The following FAM167A variants were observed in gnomAD, a reference collection of about 807,000 sequenced individuals.
FAM167A encodes protein FAM167A.
Under a neutral mutation model 14.9 loss-of-function variants are expected in FAM167A, and 23 were observed. The ratio of observed to expected loss-of-function variants is 1.55; its 90% CI spans 1.11 to 2.19. FAM167A has a LOEUF of 2.19. Among genes scored for constraint, FAM167A ranks in the 30% most tolerant of loss-of-function variants. FAM167A has a pLI of 0.00. For synonymous variants in FAM167A, 174 were observed against 117.7 expected, an observed-to-expected ratio of 1.48 and a Z score of -3.10; for missense variants, 401 against 281.5, an observed-to-expected ratio of 1.42 and a Z score of -3.04.
At chr8:11,465,583 G>T (rs1345390195) in intron 1 of FAM167A, among the ~76,000 whole-genome samples, 2 of 152,176 alleles carry the variant, frequency 1.3e-5, no homozygotes, top group East Asian at 1.9e-4. Flanking sequence ...TTAAAAACAC[G>T]CTGCAGAAGT....
chr8:11,473,815 G>T (rs542405606), intron 1 of FAM167A, among the ~76,000 whole-genome samples: 1 of 152,262 alleles, frequency 6.6e-6, no homozygotes, highest in East Asian at 1.9e-4. Flanking sequence ...CTTAGACAGG[G>T]AGTAGCACAC....
intron 1 of FAM167A, among the ~76,000 whole-genome samples, chr8:11,453,545 G>C (rs1012516618): frequency 3.9e-5 from 6 of 152,224 alleles, no homozygotes; most frequent in Non-Finnish European, 5.9e-5. Flanking sequence ...GTACCTGGCA[G>C]GGCAAGGACT....
intron 1 of FAM167A, among the ~76,000 whole-genome samples, chr8:11,453,090 C>T (rs891887130): frequency 2.0e-5 from 3 of 152,240 alleles, no homozygotes; most frequent in Non-Finnish European, 4.4e-5. Context: ...ACAAAGCTCC[C>T]TCCTCCAGGC....
chr8:11,425,346 C>T (rs1233297286), intron 2 of FAM167A, among the ~76,000 whole-genome samples: 2 of 152,152 alleles, frequency 1.3e-5, no homozygotes, highest in African/African-American at 4.8e-5. Context: ...TGTGTCGGCT[C>T]ACAAAGCTCA....
intron 1 of FAM167A, among the ~76,000 whole-genome samples, chr8:11,461,155 G>A (rs1219238405): frequency 6.6e-6 from 1 of 152,250 alleles, no homozygotes; most frequent in Admixed American, 6.5e-5. Flanking sequence ...AAAGCCCAGG[G>A]CCACTGCAGG....
At chr8:11,424,815 G>C (rs1423585266) in intron 2 of FAM167A, among the ~76,000 whole-genome samples, 179 bp from the exon 3 acceptor site, 1 of 152,196 alleles carries the variant, frequency 6.6e-6, no homozygotes, top group Non-Finnish European at 1.5e-5. Context: ...GACAAATGAG[G>C]GTGCGGTCGC....
At position 11,422,321 on chromosome 8, in the gene FAM167A, A is replaced by T. The variant is rs943706396; in HGVS notation, c.*2052T>A. 1 of 152,040 alleles carries T rather than the reference A, an allele frequency of 6.6e-6. No individual in the cohort carries two copies. Among genetic ancestry groups the T allele is most frequent in the South Asian group, 2.1e-4 (1 of 4,802 alleles). 9.4% of individuals were successfully genotyped at this position (152,040 alleles called of 1,614,324 possible). On this transcript the variant is annotated 3_prime_UTR_variant, in exon 3 of 3. Transcript: ENST00000284486. Reference sequence around the variant, plus strand: ...CAGAATATGGGATGGGCTTTCCTGCATGGGTTCAAGGATGTTTATGGCATG... The same window carrying T: ...CAGAATATGGGATGGGCTTTCCTGCTTGGGTTCAAGGATGTTTATGGCATG...
At chr8:11,443,761 C>T (rs963491165) in intron 2 of FAM167A, 25 of 440,290 alleles carry the variant, frequency 5.7e-5, no homozygotes, top group African/African-American at 3.0e-4. Flanking sequence ...GGGGGTACAC[C>T]TTAACATGGG....
rs959597711 is a variant in FAM167A, at chr8:11,421,865, G to C, written c.*2508C>G. The C allele has an allele frequency of 5.1e-6, 2 of 394,588 alleles. No homozygotes were observed. The highest frequency in any genetic ancestry group is 9.0e-6 in the Non-Finnish European group (2 of 223,036). The allele number at this position is 394,588 out of a possible 1,614,324, so 24.4% of individuals were successfully genotyped here. On this transcript the variant is annotated 3_prime_UTR_variant, in exon 3 of 3. Transcript: ENST00000284486. ...GGACGGAGGTTAGGCCAATGTTGCTGCTGACTCATAGACCCACAGAGAGCA... is the reference window on the plus strand; with the variant it reads ...GGACGGAGGTTAGGCCAATGTTGCTCCTGACTCATAGACCCACAGAGAGCA...
intron 2 of FAM167A, among the ~76,000 whole-genome samples, chr8:11,427,407 A>T (rs557053901): frequency 1.3e-5 from 2 of 152,086 alleles, no homozygotes; most frequent in African/African-American, 4.8e-5. Flanking sequence ...TTGACTCGAG[A>T]TCTGAATCCT....
intron 1 of FAM167A, among the ~76,000 whole-genome samples, chr8:11,458,500 A>C (rs1278155422): frequency 6.6e-6 from 1 of 152,194 alleles, no homozygotes; most frequent in African/African-American, 2.4e-5. Context: ...CATGAGTCAC[A>C]GCACCTGCCC....
upstream of FAM167A, among the ~76,000 whole-genome samples, chr8:11,472,181 G>C (rs781680516): frequency 6.6e-6 from 1 of 152,184 alleles, no homozygotes; most frequent in Non-Finnish European, 1.5e-5. Context: ...CTTTCTTGCT[G>C]GTTTGTTTAA....
At chr8:11,461,306 A>G (rs1400628995) in intron 1 of FAM167A, among the ~76,000 whole-genome samples, 1 of 152,240 alleles carries the variant, frequency 6.6e-6, no homozygotes, top group Non-Finnish European at 1.5e-5. Flanking sequence ...GAAAGTAGCC[A>G]TGGGAAAAAA....
intron 2 of FAM167A, among the ~76,000 whole-genome samples, chr8:11,432,745 G>C (rs1249910265): frequency 6.6e-6 from 1 of 152,166 alleles, no homozygotes; most frequent in Non-Finnish European, 1.5e-5. Flanking sequence ...ATCATTCTAT[G>C]ATAAAGACAC....
intron 2 of FAM167A, among the ~76,000 whole-genome samples, chr8:11,431,992 T>TC (rs1353823973): frequency 6.6e-6 from 1 of 151,560 alleles, no homozygotes; most frequent in African/African-American, 2.4e-5. Context: ...TTTCATGCTG[T>TC]CCCTGGCAAA....
intron 1 of FAM167A, among the ~76,000 whole-genome samples, chr8:11,447,000 G>A (rs1004973127): frequency 6.6e-6 from 1 of 152,140 alleles, no homozygotes; most frequent in Non-Finnish European, 1.5e-5. Context: ...GTTCTGTGAG[G>A]AGATAACATG....
upstream of FAM167A, among the ~76,000 whole-genome samples, chr8:11,467,129 C>T (rs544880971): frequency 1.3e-5 from 2 of 152,256 alleles, no homozygotes; most frequent in Non-Finnish European, 2.9e-5. Context: ...CACCCCCAAA[C>T]GGCAGGAGTT....
Position 11,434,929 on chromosome 8 carries a change from G to A in FAM167A, c.381+9102C>T. On this transcript the variant is annotated intron_variant, in intron 2 of 2. Coordinates refer to ENST00000284486, the MANE Select transcript of FAM167A (RefSeq NM_053279.3). ...GAGAGATGTGACTGCTGCTGGCTGGGTGAGGACAGGCCCAGAGGACAGCAT... is the reference window on the plus strand; with the variant it reads ...GAGAGATGTGACTGCTGCTGGCTGGATGAGGACAGGCCCAGAGGACAGCAT... 4.7e-6 allele frequency: 2 copies of A among 421,760 alleles called. 1 individual carries two copies. The highest frequency in any genetic ancestry group is 3.5e-5 in the South Asian group (2 of 57,100). 26.1% of individuals were successfully genotyped at this position (421,760 alleles called of 1,614,324 possible).
intron 1 of FAM167A, among the ~76,000 whole-genome samples, chr8:11,455,506 G>A (rs1807211407): frequency 6.8e-6 from 1 of 146,972 alleles, no homozygotes; most frequent in African/African-American, 2.5e-5. Context: ...GTGTGTGAGT[G>A]TGAGTGTGTG....
Sources: gnomAD v4.1 joint callset for allele counts (sites outside exome capture counted in the v4.1 genomes callset) on GRCh38, gnomAD v4.1.1 for gene constraint, MANE v1.5 for transcripts, NCBI Gene and HGNC (gene_info 2026-07-23, HGNC 2026-07-21) for gene names.